Variants in PACRG observed in about 807,000 individuals in gnomAD.
PACRG encodes the protein parkin coregulated gene protein.
In PACRG, 29 loss-of-function variants were observed where a neutral mutation model predicts 29.7. The observed-to-expected ratio is 0.98, with a 90% CI of 0.73 to 1.33. The LOEUF (loss-of-function observed/expected upper bound fraction) is 1.33, where lower values mean the gene tolerates loss of function less well. Ranked by LOEUF, PACRG falls within the 40% of genes most tolerant of loss-of-function variation. The probability of loss-of-function intolerance (pLI) is 0.00; values close to 1 mark genes in which losing one functional copy is unlikely to be tolerated. For synonymous variants in PACRG, 116 were observed against 118.7 expected (o/e 0.98, Z 0.15); for missense variants, 279 against 316.2 (o/e 0.88, Z 0.89).
intron 4 of PACRG, among the ~76,000 whole-genome samples, chr6:163,261,249 AT>A (rs895441461): frequency 6.6e-6 from 1 of 151,172 alleles, no homozygotes; most frequent in African/African-American, 2.4e-5. Flanking sequence ...TTTTCTTTCT[AT>A]TTTTTTAATT....
chr6:163,072,041 C>CA (rs34278585), intron 3 of PACRG, among the ~76,000 whole-genome samples: 32 of 150,108 alleles, frequency 2.1e-4, no homozygotes, highest in East Asian at 5.9e-4. Context: ...AAACTATTCC[C>CA]AAAAAAAAAA....
rs1263765321 is a variant in PACRG at position 163,269,995 on chromosome 6, GA to G, written c.614-44829del. 1.5e-3 allele frequency among the ~76,000 whole-genome samples: 160 copies of G among 107,246 alleles called. 11 individuals are homozygous for G. Among genetic ancestry groups the G allele is most frequent in the South Asian group, 3.5e-3 (10 of 2,840 alleles). 70.4% of individuals were successfully genotyped at this position (107,246 alleles called of 152,430 possible). A position where few individuals can be genotyped will look rare whatever the true frequency, so the allele number is the denominator to read the frequency against. ...AGAAAGAAAGAAAGAAAGAAAGAAA[GA>G]AAGAAAGAAAGGAGGGAGGGAGGGA... On this transcript the variant is annotated intron_variant, in intron 4 of 4. Coordinates refer to ENST00000366888, the MANE Select transcript of PACRG (RefSeq NM_001080379.2).
intron 3 of PACRG, among the ~76,000 whole-genome samples, chr6:163,064,124 C>A (rs1229050745): frequency 6.6e-6 from 1 of 151,360 alleles, no homozygotes; most frequent in Non-Finnish European, 1.5e-5. Context: ...GTTGGGATCA[C>A]TGCCTTCTCA....
intron 1 of PACRG, among the ~76,000 whole-genome samples, chr6:162,763,585 A>G (rs1338672341): frequency 6.6e-6 from 1 of 152,232 alleles, no homozygotes; most frequent in Non-Finnish European, 1.5e-5. Context: ...TTCTCTGAAA[A>G]TGAGTATCAC....
chr6:163,167,916 T>C (rs1778890025), intron 4 of PACRG, among the ~76,000 whole-genome samples: 1 of 152,246 alleles, frequency 6.6e-6, no homozygotes, highest in Non-Finnish European at 1.5e-5. Context: ...CTGTCACTAA[T>C]CATATAACTA....
intron 2 of PACRG, among the ~76,000 whole-genome samples, chr6:162,984,830 G>A (rs1328427304): frequency 1.4e-5 from 2 of 147,080 alleles, no homozygotes; most frequent in African/African-American, 5.0e-5. Context: ...GTCTATTCAT[G>A]TCCTTAGCCC....
At chr6:163,155,217 C>A (rs900257341) in intron 4 of PACRG, among the ~76,000 whole-genome samples, 1 of 152,204 alleles carries the variant, frequency 6.6e-6, no homozygotes, top group Admixed American at 6.5e-5. Context: ...CCCGAGCCCG[C>A]TTTCCAAAGA....
intron 2 of PACRG, among the ~76,000 whole-genome samples, chr6:163,035,508 A>G (rs1207911728): frequency 6.6e-6 from 1 of 152,116 alleles, no homozygotes; most frequent in African/African-American, 2.4e-5. Flanking sequence ...TTAGCCAGGT[A>G]CGGTGGCAGG....
intron 1 of PACRG, among the ~76,000 whole-genome samples, chr6:162,806,210 G>A (rs1786311666): frequency 6.6e-6 from 1 of 151,594 alleles, no homozygotes; most frequent in Admixed American, 6.6e-5. Context: ...CCGGGTTCAA[G>A]CGATTCTCCT....
At chr6:163,226,433 G>A (rs568529849) in intron 4 of PACRG, among the ~76,000 whole-genome samples, 17 of 152,352 alleles carry the variant, frequency 1.1e-4, no homozygotes, top group East Asian at 9.6e-4. Flanking sequence ...AGGGTATGGC[G>A]TACATGTGTT....
chr6:163,150,602 TC>T (rs11304165), intron 4 of PACRG, among the ~76,000 whole-genome samples: 113,555 of 152,068 alleles, frequency 0.75, 43,471 homozygotes, highest in African/African-American at 0.93. Flanking sequence ...AGGCTCAAGT[TC>T]CCCCGCCTCT....
intron 2 of PACRG, among the ~76,000 whole-genome samples, chr6:162,964,451 G>A (rs1189048411): frequency 2.6e-5 from 4 of 152,108 alleles, no homozygotes; most frequent in Non-Finnish European, 2.9e-5. Context: ...TGTGATTTTA[G>A]GAACTGCTTT....
chr6:162,727,336 A>AAGGTGAGGGGCGGCGGCGGGGG (rs1779298062), upstream of PACRG: 2 of 275,112 alleles, frequency 7.3e-6, no homozygotes, highest in Non-Finnish European at 1.3e-5. Context: ...GGCGGCGGGG[A>AAGGTGAGGGGCGGCGGCGGGGG]GAAGGCTTCG....
At chr6:163,278,176 A>G (rs778222615) in intron 4 of PACRG, among the ~76,000 whole-genome samples, 61 of 151,884 alleles carry the variant, frequency 4.0e-4, no homozygotes, top group Middle Eastern at 3.4e-3. Flanking sequence ...CCACTTTTTG[A>G]TGGGATTGCT....
At chr6:162,758,500 T>C (rs1354082279) in intron 1 of PACRG, among the ~76,000 whole-genome samples, 10 of 152,192 alleles carry the variant, frequency 6.6e-5, no homozygotes, top group Admixed American at 6.5e-4. Context: ...TATGACTACT[T>C]GGTTCATTAT....
chr6:163,044,399 T>C (rs1809098044), intron 2 of PACRG, among the ~76,000 whole-genome samples: 1 of 152,140 alleles, frequency 6.6e-6, no homozygotes, highest in Non-Finnish European at 1.5e-5. Context: ...ATTCCTGGGC[T>C]CAAGCAATCC....
At chr6:162,793,020 G>C (rs1005259438) in intron 1 of PACRG, among the ~76,000 whole-genome samples, 1 of 152,180 alleles carries the variant, frequency 6.6e-6, no homozygotes, top group Non-Finnish European at 1.5e-5. Context: ...TGGACCTTGA[G>C]TCCTGCAATA....
At chr6:163,239,520 G>T (rs1183276096) in intron 4 of PACRG, among the ~76,000 whole-genome samples, 1 of 151,882 alleles carries the variant, frequency 6.6e-6, no homozygotes, top group East Asian at 1.9e-4. Flanking sequence ...GTCCCTAGGT[G>T]GACACCTTGC....
chr6:162,817,519 C>T (rs1042630865), intron 2 of PACRG, among the ~76,000 whole-genome samples: 1 of 152,194 alleles, frequency 6.6e-6, no homozygotes, highest in Admixed American at 6.5e-5. Flanking sequence ...CTGAAGATTG[C>T]AGCAGTGTCT....
Sources: allele counts gnomAD v4.1 joint callset (sites outside exome capture counted in the v4.1 genomes callset), GRCh38; gene constraint gnomAD v4.1.1; transcripts MANE v1.5; gene names NCBI Gene and HGNC (gene_info 2026-07-23, HGNC 2026-07-21).